Variants in PCDHGA4 observed in about 807,000 individuals in gnomAD.
PCDHGA4 encodes protocadherin gamma subfamily A, 4, also known as protocadherin gamma-A4.
PCDHGA4 carries 38 observed loss-of-function variants against 54.6 expected under a neutral mutation model. The ratio of observed to expected loss-of-function variants is 0.70; its 90% CI spans 0.54 to 0.91. The LOEUF is 0.91. PCDHGA4 is among the 40% of genes least tolerant of loss of function. PCDHGA4 has a pLI of 0.00. For synonymous variants in PCDHGA4, 511 were observed against 512.9 expected, an observed-to-expected ratio of 1.00 and a Z score of 0.05; for missense variants, 1,298 against 1,220.9, an observed-to-expected ratio of 1.06 and a Z score of -0.94.
intron 1 of PCDHGA4, chr5:141,370,799 A>G: frequency 6.2e-7 from 1 of 1,614,032 alleles, no homozygotes; most frequent in Non-Finnish European, 8.5e-7. Context: ...CCTTTAGCCA[A>G]AATATCACTG....
At position 141,491,502 on chromosome 5, in the gene PCDHGA4, C is replaced by G. The variant is rs751961360; in HGVS notation, c.2515-3305C>G. 1.4e-5 allele frequency: 23 copies of G among 1,614,080 alleles called. No homozygotes were observed. Among genetic ancestry groups the G allele is most frequent in the Non-Finnish European group, 1.8e-5 (21 of 1,180,006 alleles). ...GCCCCAACCTGCAGGTGAGCTCGGA[C>G]GGCACGCTCAAGTACATGGAGGTGA... On this transcript the variant is annotated intron_variant, in intron 1 of 3. Coordinates refer to ENST00000571252, the MANE Select transcript of PCDHGA4 (RefSeq NM_018917.4). This position sits in a 1 kb window ranked among gnomAD's most constrained non-coding sequence, Gnocchi z 6.9.
chr5:141,422,421 T>C, intron 1 of PCDHGA4: 1 of 1,607,810 alleles, frequency 6.2e-7, no homozygotes, highest in Non-Finnish European at 8.5e-7. Context: ...TAGAAAAGAC[T>C]TATGGAAATT....
rs757761874 is a variant in PCDHGA4 at position 141,375,430 on chromosome 5, G to A, written c.2514+17809G>A. 34 of 1,613,728 alleles carry A rather than the reference G, an allele frequency of 2.1e-5. No individual in the cohort carries two copies. The Admixed American group carries it at 5.2e-4, about 25-fold the overall frequency. ...ATGTGGCAGACACCAACGACAACCC[G>A]CCCACCTTCCCCCATTCATCCTACT... On this transcript the variant is annotated intron_variant, in intron 1 of 3. Transcript: ENST00000571252.
At chr5:141,405,029 C>T in intron 1 of PCDHGA4, 1 of 1,613,976 alleles carries the variant, frequency 6.2e-7, no homozygotes, top group Non-Finnish European at 8.5e-7. Flanking sequence ...TACCCTCTAC[C>T]TCGTTGTGGC....
intron 1 of PCDHGA4, among the ~76,000 whole-genome samples, chr5:141,397,601 T>C (rs1225684125): frequency 5.3e-5 from 8 of 152,198 alleles, no homozygotes; most frequent in Admixed American, 3.3e-4. Flanking sequence ...ATATTGCCAG[T>C]GACAAGGGCA....
intron 1 of PCDHGA4, chr5:141,390,043 C>A (rs1022492557): frequency 1.9e-6 from 3 of 1,613,946 alleles, no homozygotes; most frequent in Non-Finnish European, 2.5e-6. Context: ...TCCAGCCCCG[C>A]CTCCTGGAGC....
chr5:141,360,408 C>A (rs2149814524), intron 1 of PCDHGA4: 1 of 1,613,870 alleles, frequency 6.2e-7, no homozygotes, highest in Non-Finnish European at 8.5e-7. Context: ...ACAGAATAGA[C>A]CGAGAACAGA....
At chr5:141,429,929 T>A (rs2097253197) in intron 1 of PCDHGA4, among the ~76,000 whole-genome samples, 1 of 152,240 alleles carries the variant, frequency 6.6e-6, no homozygotes, top group African/African-American at 2.4e-5. Flanking sequence ...AATAGAATTC[T>A]GGAGTACTTC....
intron 1 of PCDHGA4, chr5:141,389,158 G>C (rs774342496): frequency 5.6e-6 from 9 of 1,613,968 alleles, no homozygotes; most frequent in Non-Finnish European, 7.6e-6. Context: ...GCAACAGATC[G>C]GGGCAAGCCT....
chr5:141,419,393 G>T (rs1226844501), intron 1 of PCDHGA4: 2 of 1,613,620 alleles, frequency 1.2e-6, no homozygotes, highest in Non-Finnish European at 1.7e-6. Context: ...CGCGCAGAGC[G>T]GGGTGGTGTT....
At chr5:141,478,759 A>G in intron 1 of PCDHGA4, 2 of 1,514,800 alleles carry the variant, frequency 1.3e-6, no homozygotes, top group African/African-American at 1.4e-5. Flanking sequence ...GGGGGAAGAT[A>G]CTTGACTCAT....
At chr5:141,465,768 C>T (rs1414064889) in intron 1 of PCDHGA4, among the ~76,000 whole-genome samples, 1 of 151,916 alleles carries the variant, frequency 6.6e-6, no homozygotes, top group Non-Finnish European at 1.5e-5. Flanking sequence ...CATGTTTCAT[C>T]TCTTGTTACA....
chr5:141,486,253 C>G lies in PCDHGA4; in HGVS notation c.2515-8554C>G. On this transcript the variant is annotated intron_variant, in intron 1 of 3. Coordinates refer to ENST00000571252, the MANE Select transcript of PCDHGA4 (RefSeq NM_018917.4). The surrounding 1 kb of genome is among the most constrained non-coding windows in gnomAD (Gnocchi z 5.0). Reference sequence around the variant, plus strand: ...TGACCTCAGAGCTTGGAACCCTCCCCGAGAGTGCAGAACCTGGCACTGTGG... The same window carrying G: ...TGACCTCAGAGCTTGGAACCCTCCCGGAGAGTGCAGAACCTGGCACTGTGG... The G allele has an allele frequency of 6.2e-7, 1 of 1,614,138 alleles. No homozygotes were observed. Among genetic ancestry groups the G allele is most frequent in the East Asian group, 2.2e-5 (1 of 44,866 alleles).
Position 141,437,685 on chromosome 5 carries a change from G to A in PCDHGA4, c.2515-57122G>A, listed in dbSNP as rs116699614. ...GAAGAGATGTTGATCAAACTGATGA[G>A]GCTAAATCTCAAGAAAGAGACACAG... On this transcript the variant is annotated intron_variant, in intron 1 of 3. Coordinates refer to ENST00000571252, the MANE Select transcript of PCDHGA4 (RefSeq NM_018917.4). Among the ~76,000 whole-genome samples the A allele has an allele frequency of 1.0e-2, 1,519 of 151,976 alleles. 34 individuals carry two copies. The highest frequency in any genetic ancestry group is 0.034 in the African/African-American group (1,425 of 41,440).
chr5:141,422,243 T>C, intron 1 of PCDHGA4: 12 of 1,566,082 alleles, frequency 7.7e-6, no homozygotes, highest in Non-Finnish European at 1.0e-5. Flanking sequence ...ATCACTGTTG[T>C]GGATGTGAAT....
intron 1 of PCDHGA4, chr5:141,407,897 A>T (rs1178644193): frequency 4.9e-6 from 2 of 405,126 alleles, no homozygotes; most frequent in African/African-American, 4.1e-5. Context: ...CCGAATTCAA[A>T]ATGAAAAACC....
intron 1 of PCDHGA4, among the ~76,000 whole-genome samples, chr5:141,482,526 C>T (rs1198022164): frequency 1.5e-5 from 1 of 68,582 alleles, no homozygotes; most frequent in African/African-American, 9.7e-5. Flanking sequence ...ATGAGACAGA[C>T]ATGCAAAAAA....
rs1228676619 is a variant in PCDHGA4, at chr5:141,388,743, A to T, written c.2514+31122A>T. 3 of 1,614,034 alleles carry T rather than the reference A, an allele frequency of 1.9e-6. No homozygotes were observed. The Admixed American group carries it at 5.0e-5, about 27-fold the overall frequency. On this transcript the variant is annotated intron_variant, in intron 1 of 3. Coordinates refer to ENST00000571252, the MANE Select transcript of PCDHGA4 (RefSeq NM_018917.4). ...TTTCTCTTTCAGTGAAGCTAGCCAG[A>T]TCACCCAATTTGACCTGAACTCTAA...
At position 141,477,677 on chromosome 5, in the gene PCDHGA4, TC is replaced by T; in HGVS notation, c.2515-17128del. On this transcript the variant is annotated intron_variant, in intron 1 of 3. Transcript: ENST00000571252. This position sits in a 1 kb window ranked among gnomAD's most constrained non-coding sequence, Gnocchi z 4.9. ...AAATCGTGACAATGGCATAGTGTCA[TC>T]CTTAGTGCCCCTAGACTATGAGGAT... 1 of 1,614,174 alleles carries T rather than the reference TC, an allele frequency of 6.2e-7. No homozygotes were observed. The highest frequency in any genetic ancestry group is 8.5e-7 in the Non-Finnish European group (1 of 1,180,038).
Sources: gnomAD v4.1 joint callset for allele counts (sites outside exome capture counted in the v4.1 genomes callset) on GRCh38, gnomAD v4.1.1 for gene constraint, Gnocchi (gnomAD v3.1) non-coding constraint, MANE v1.5 for transcripts, NCBI Gene and HGNC (gene_info 2026-07-23, HGNC 2026-07-21) for gene names.